The following JPH1 variants were observed in gnomAD, a reference collection of about 807,000 sequenced individuals.
JPH1 encodes junctophilin-1.
JPH1 carries 12 observed loss-of-function variants against 53.6 expected under a neutral mutation model. That is an observed-to-expected ratio of 0.22 (90% CI 0.14 to 0.36). JPH1 has a LOEUF of 0.36. Ranked by LOEUF, JPH1 falls within the 10% of genes least tolerant of loss-of-function variation. The pLI, the probability that JPH1 is intolerant of heterozygous loss-of-function variation, is 1.00. For synonymous variants in JPH1, 375 were observed against 363.8 expected (o/e 1.03, Z -0.35); for missense variants, 808 against 905.5 (o/e 0.89, Z 1.38).
At chr8:74,250,340 T>G (rs1177400039) in intron 3 of JPH1, among the ~76,000 whole-genome samples, 1 of 151,992 alleles carries the variant, frequency 6.6e-6, no homozygotes, top group African/African-American at 2.4e-5. Context: ...ACCATGTTGG[T>G]CAGGCTGGTC....
At position 74,321,191 on chromosome 8, in the gene JPH1, T is replaced by G; in HGVS notation, c.97A>C (p.Lys33Gln). ...GAGCCCGAGTACTCGCCCTGGCCCT[T>G]GGGCCCCGTGCAGATGCCATGCCCG... ...AHGHGICTGP[K>Q]GQGEYSGSWS... Residue 33 changes from lysine (K) to glutamine (Q), a missense_variant, in exon 1 of 6, where the codon AAG (lysine) becomes CAG (glutamine). Coordinates refer to ENST00000342232, the MANE Select transcript of JPH1 (RefSeq NM_020647.4). This position sits in a 1 kb window ranked among gnomAD's most constrained non-coding sequence, Gnocchi z 4.3. 6.2e-7 allele frequency: 1 copy of G among 1,612,946 alleles called. No individual in the cohort carries two copies. Among genetic ancestry groups the G allele is most frequent in the Non-Finnish European group, 8.5e-7 (1 of 1,179,742 alleles).
chr8:74,286,246 AT>A (rs1276657628), intron 2 of JPH1, among the ~76,000 whole-genome samples: 1 of 151,960 alleles, frequency 6.6e-6, no homozygotes, highest in Non-Finnish European at 1.5e-5. Context: ...CACTGTTAAC[AT>A]TTTTTTCTGC....
chr8:74,249,722 C>A (rs991629422), intron 3 of JPH1, among the ~76,000 whole-genome samples: 3 of 152,132 alleles, frequency 2.0e-5, no homozygotes, highest in Non-Finnish European at 4.4e-5. Flanking sequence ...CAGGATGCTT[C>A]CCTTTTCTTA....
In JPH1 at chr8:74,244,895, G is replaced by A. The variant is rs781575059; in HGVS notation, c.1539C>T (p.Pro513=). 11 of 1,614,150 alleles carry A rather than the reference G, an allele frequency of 6.8e-6. No individual in the cohort carries two copies. Among genetic ancestry groups the A allele is most frequent in the Non-Finnish European group, 8.5e-6 (10 of 1,180,034 alleles). ...CCTTCGTGGGAGCCTTTGACATCAAGGGCTTATTGACAATGGCCGTCACCT... is the reference window on the plus strand; with the variant it reads ...CCTTCGTGGGAGCCTTTGACATCAAAGGCTTATTGACAATGGCCGTCACCT... ...DEQVTAIVNK[P]LMSKAPTKEA... is the part of the protein sequence containing the mutation. The change falls in exon 4 of 6, where the codon CCC becomes CCT. Residue 513 remains proline, a synonymous_variant. Coordinates refer to ENST00000342232, the MANE Select transcript of JPH1 (RefSeq NM_020647.4).
intron 2 of JPH1, among the ~76,000 whole-genome samples, chr8:74,310,106 T>A (rs1044546505): frequency 6.6e-6 from 1 of 152,106 alleles, no homozygotes; most frequent in African/African-American, 2.4e-5. Flanking sequence ...AGGTACTGGC[T>A]CCACTCTCCT....
rs1323696031 is a variant in JPH1, at chr8:74,315,688, C to T, written c.380-68G>A. On this transcript the variant is annotated intron_variant, in intron 1 of 5. Transcript: ENST00000342232. This position sits in a 1 kb window ranked among gnomAD's most constrained non-coding sequence, Gnocchi z 6.3. The stretch of plus-strand genomic sequence containing the variant: ...CTGCACCGTCACCTGCACCATCCAG[C>T]GCACACTGGCGCAGGCCTGCCCAAG... 8 of 1,440,556 alleles carry T rather than the reference C, an allele frequency of 5.6e-6. No individual in the cohort carries two copies. In the South Asian group the frequency reaches 8.1e-5, roughly 15 times the overall value. The allele number at this position is 1,440,556 out of a possible 1,614,324, so 89.2% of individuals were successfully genotyped here.
intron 2 of JPH1, among the ~76,000 whole-genome samples, chr8:74,298,507 G>A (rs570123370): frequency 7.2e-4 from 110 of 152,122 alleles, no homozygotes; most frequent in Admixed American, 1.3e-3. Context: ...AACTTCCTCG[G>A]CACTCTGAAA....
chr8:74,266,516 C>G (rs762805161), intron 2 of JPH1, among the ~76,000 whole-genome samples: 8 of 152,024 alleles, frequency 5.3e-5, no homozygotes, highest in Admixed American at 2.0e-4. Context: ...GAAAGTAGAA[C>G]AGTAATTTCC....
In JPH1 at chr8:74,320,990, G is replaced by A. The variant is rs182135174; in HGVS notation, c.298C>T (p.Leu100=). 5.6e-5 allele frequency: 91 copies of A among 1,612,742 alleles called. No homozygotes were observed. The East Asian group carries it at 1.6e-3, about 29-fold the overall frequency. ...CCCTCGTAGCGAGCGGGGGTGCACA[G>A]GCTCTGCCGGACCCCGTAGCGCCCC... ...FKGRYGVRQS[L]CTPARYEGTW... Residue 100 remains leucine, a synonymous_variant, in exon 1 of 6, where the codon CTG becomes TTG. Transcript: ENST00000342232. This position sits in a 1 kb window ranked among gnomAD's most constrained non-coding sequence, Gnocchi z 4.4.
At chr8:74,254,573 G>T (rs1243806942) in intron 3 of JPH1, among the ~76,000 whole-genome samples, 1 of 152,052 alleles carries the variant, frequency 6.6e-6, no homozygotes, top group Non-Finnish European at 1.5e-5. Flanking sequence ...GAAATAAAGG[G>T]CATTCAATTA....
chr8:74,277,315 A>C (rs1806877607), intron 2 of JPH1, among the ~76,000 whole-genome samples: 1 of 152,172 alleles, frequency 6.6e-6, no homozygotes, highest in South Asian at 2.1e-4. Context: ...TGGCACCTGT[A>C]ATATTTGGCA....
At chr8:74,301,014 C>T (rs553086201) in intron 2 of JPH1, among the ~76,000 whole-genome samples, 1 of 152,270 alleles carries the variant, frequency 6.6e-6, no homozygotes, top group Admixed American at 6.5e-5. Flanking sequence ...CACCCATATA[C>T]TGGGAATGAA....
At chr8:74,298,096 T>C (rs764178120) in intron 2 of JPH1, among the ~76,000 whole-genome samples, 3 of 152,198 alleles carry the variant, frequency 2.0e-5, no homozygotes, top group Non-Finnish European at 4.4e-5. Flanking sequence ...CAATCTCCAA[T>C]TTTGATGTAT....
chr8:74,296,395 C>G (rs1472985864), intron 2 of JPH1, among the ~76,000 whole-genome samples: 1 of 152,080 alleles, frequency 6.6e-6, no homozygotes, highest in Non-Finnish European at 1.5e-5. Context: ...TCCTAACTTG[C>G]TTTAGATTTA....
intron 2 of JPH1, among the ~76,000 whole-genome samples, chr8:74,274,305 A>G (rs1208907028): frequency 6.6e-6 from 1 of 152,240 alleles, no homozygotes; most frequent in African/African-American, 2.4e-5. Context: ...AAACGTGAAC[A>G]ATAATGAAAG....
chr8:74,296,035 C>CACACACACACACACAA (rs1363394797), intron 2 of JPH1, among the ~76,000 whole-genome samples: 2 of 151,946 alleles, frequency 1.3e-5, no homozygotes, highest in Middle Eastern at 3.4e-3. Context: ...CACACACACA[C>CACACACACACACACAA]ACACACACAC....
In JPH1 at chr8:74,320,737, C is replaced by T. The variant is rs1299224830; in HGVS notation, c.379+172G>A. Among the ~76,000 whole-genome samples, 1 of 152,194 alleles carries T rather than the reference C, an allele frequency of 6.6e-6. No homozygotes were observed. Among genetic ancestry groups the T allele is most frequent in the African/African-American group, 2.4e-5 (1 of 41,470 alleles). On this transcript the variant is annotated intron_variant, in intron 1 of 5. Transcript: ENST00000342232. This position sits in a 1 kb window ranked among gnomAD's most constrained non-coding sequence, Gnocchi z 4.4. ...CAGCCCTCGCGCCCCAGTCCGGTCC[C>T]AGCGCCCTCTCTGGGAAAGGCGGGC...
chr8:74,256,397 TG>T (rs796554650), intron 3 of JPH1, among the ~76,000 whole-genome samples: 6 of 81,156 alleles, frequency 7.4e-5, no homozygotes, highest in African/African-American at 2.7e-4. Context: ...TATCATGGGG[TG>T]GGGGGAAGGG....
chr8:74,265,686 C>A (rs1487171676), intron 2 of JPH1, among the ~76,000 whole-genome samples: 1 of 152,002 alleles, frequency 6.6e-6, no homozygotes, highest in African/African-American at 2.4e-5. Flanking sequence ...TCACTGCAAC[C>A]CACCGAATGG....
Sources: gnomAD v4.1 joint callset for allele counts (sites outside exome capture counted in the v4.1 genomes callset) on GRCh38, gnomAD v4.1.1 for gene constraint, Gnocchi (gnomAD v3.1) non-coding constraint, MANE v1.5 for transcripts, NCBI Gene and HGNC (gene_info 2026-07-23, HGNC 2026-07-21) for gene names.